HUNK: variants seen among roughly 807,000 people sequenced by gnomAD.
HUNK encodes hormonally up-regulated Neu-associated kinase, also known as hormonally up-regulated neu tumor-associated kinase.
A neutral mutation model predicts 61.0 loss-of-function variants in HUNK; 21 were observed. The ratio of observed to expected loss-of-function variants is 0.34; its 90% CI spans 0.24 to 0.50. The LOEUF is 0.50. Among genes scored for constraint, HUNK ranks in the 20% least tolerant of loss-of-function variants. The pLI, the probability that HUNK is intolerant of heterozygous loss-of-function variation, is 0.98. For synonymous variants in HUNK, 371 were observed against 386.1 expected (o/e 0.96, Z 0.46); for missense variants, 772 against 945.7 (o/e 0.82, Z 2.41).
chr21:31,897,050 G>C (rs2052429866), intron 1 of HUNK, among the ~76,000 whole-genome samples: 1 of 152,302 alleles, frequency 6.6e-6, no homozygotes, highest in East Asian at 1.9e-4. Context: ...TTTGAGACAA[G>C]CCTGGGCAAC....
In HUNK at chr21:31,969,120, G is replaced by A. The variant is rs183753420; in HGVS notation, c.1010+735G>A. ...TTGAACTCCTGACCTCAAGTGATCCGCCTGCCTTGGCCTCCCAAAGTGCTG... is the reference window on the plus strand; with the variant it reads ...TTGAACTCCTGACCTCAAGTGATCCACCTGCCTTGGCCTCCCAAAGTGCTG... On this transcript the variant is annotated intron_variant, in intron 6 of 10. Coordinates refer to ENST00000270112, the MANE Select transcript of HUNK (RefSeq NM_014586.2). 9.9e-5 allele frequency among the ~76,000 whole-genome samples: 15 copies of A among 151,754 alleles called. No homozygotes were observed. The South Asian group carries it at 1.0e-3, about 11-fold the overall frequency.
At chr21:31,926,481 C>T (rs1601382019) in intron 2 of HUNK, among the ~76,000 whole-genome samples, 1 of 152,080 alleles carries the variant, frequency 6.6e-6, no homozygotes, top group African/African-American at 2.4e-5. Context: ...AAACCCTGTA[C>T]CCATTACCAG....
Position 31,924,814 on chromosome 21 carries a change from T to C in HUNK, c.554+54T>C, listed in dbSNP as rs1436851190. The C allele has an allele frequency of 1.0e-5, 15 of 1,460,274 alleles. No individual in the cohort carries two copies. Among genetic ancestry groups the C allele is most frequent in the Non-Finnish European group, 1.0e-5 (11 of 1,078,790 alleles). 90.5% of individuals were successfully genotyped at this position (1,460,274 alleles called of 1,614,324 possible). ...TGACTGTGTGCTCCGTGGGTGGCAC[T>C]GGGCTGTGGCACCCTCTGAGCCTCT... On this transcript the variant is annotated intron_variant, in intron 2 of 10. Coordinates refer to ENST00000270112, the MANE Select transcript of HUNK (RefSeq NM_014586.2). The surrounding 1 kb of genome is among the most constrained non-coding windows in gnomAD (Gnocchi z 5.1).
At chr21:31,930,834 G>A (rs2052691295) in intron 2 of HUNK, among the ~76,000 whole-genome samples, 1 of 151,964 alleles carries the variant, frequency 6.6e-6, no homozygotes, top group Admixed American at 6.6e-5. Context: ...TTATTTTTTA[G>A]GTCACAATTT....
intron 7 of HUNK, among the ~76,000 whole-genome samples, chr21:31,980,079 A>AT (rs1355714413): frequency 7.1e-6 from 1 of 141,580 alleles, no homozygotes; most frequent in Non-Finnish European, 1.6e-5. Flanking sequence ...TTGTTTATTT[A>AT]TTTATTTTTT....
intron 2 of HUNK, among the ~76,000 whole-genome samples, chr21:31,935,067 T>C (rs1001010776): frequency 5.3e-5 from 8 of 152,186 alleles, no homozygotes; most frequent in African/African-American, 1.9e-4. Context: ...CACTGTTGAG[T>C]AGCTGAGCAG....
chr21:31,892,162 A>AATAT (rs1170452661), intron 1 of HUNK, among the ~76,000 whole-genome samples: 100 of 114,018 alleles, frequency 8.8e-4, no homozygotes, highest in African/African-American at 3.1e-3. Flanking sequence ...AAAAAAAAAA[A>AATAT]ATATATATAT....
intron 2 of HUNK, among the ~76,000 whole-genome samples, chr21:31,928,504 TG>T (rs2052676181): frequency 6.6e-6 from 1 of 152,246 alleles, no homozygotes; most frequent in Non-Finnish European, 1.5e-5. Flanking sequence ...TTTCTACTTT[TG>T]CCTCTCTCTC....
At chr21:31,996,314 A>G (rs2123259893) in intron 10 of HUNK, among the ~76,000 whole-genome samples, 1 of 152,270 alleles carries the variant, frequency 6.6e-6, no homozygotes, top group Non-Finnish European at 1.5e-5. Flanking sequence ...GGGAGTAGAG[A>G]TGGGGTGCAG....
chr21:31,955,711 A>C (rs534598426), intron 4 of HUNK, among the ~76,000 whole-genome samples: 1 of 152,242 alleles, frequency 6.6e-6, no homozygotes, highest in Non-Finnish European at 1.5e-5. Flanking sequence ...GTTTTAGTCA[A>C]TTACCAAAAA....
rs191962659 is a variant in HUNK at position 31,881,265 on chromosome 21, A to G, written c.261+7330A>G. ...CAACGTGGGCATCTTTTCCATGCGC[A>G]TTTTGGATATGAGTGGTCATCATTT... On this transcript the variant is annotated intron_variant, in intron 1 of 10. Transcript: ENST00000270112. Among the ~76,000 whole-genome samples the G allele has an allele frequency of 8.5e-5, 13 of 152,302 alleles. No homozygotes were observed. In the East Asian group the frequency reaches 2.3e-3, roughly 27 times the overall value.
chr21:31,894,346 G>A (rs56321642), intron 1 of HUNK, among the ~76,000 whole-genome samples: 19,578 of 152,064 alleles, frequency 0.13, 1,512 homozygotes, highest in East Asian at 0.36. Context: ...TTCCATTTTC[G>A]TAAAATCCAT....
chr21:31,953,853 G>A (rs959663763), intron 4 of HUNK, among the ~76,000 whole-genome samples: 1 of 152,078 alleles, frequency 6.6e-6, no homozygotes, highest in African/African-American at 2.4e-5. Flanking sequence ...GAATCAGTTT[G>A]TAAAGTCATC....
chr21:31,882,138 G>A (rs952725042), intron 1 of HUNK, among the ~76,000 whole-genome samples: 10 of 151,996 alleles, frequency 6.6e-5, no homozygotes, highest in Non-Finnish European at 1.3e-4. Flanking sequence ...TTTTTGATGA[G>A]TAGAGTAACA....
At position 31,873,801 on chromosome 21, in the gene HUNK, G is replaced by T; in HGVS notation, c.127G>T (p.Gly43Cys). Residue 43 changes from glycine (G) to cysteine (C), a missense_variant, in exon 1 of 11, where the codon GGC becomes TGC. By Grantham distance (159) the Gly-to-Cys change is radical (BLOSUM62 -3). Around this residue, in one of 2 missense-constraint regions of HUNK, gnomAD observed 359 missense variants for 501.3 expected, o/e 0.72. Transcript: ENST00000270112. The surrounding 1 kb of genome is among the most constrained non-coding windows in gnomAD (Gnocchi z 6.1). ...AAGTTTCCTGCCTGCCTGGGTGAGC[G>T]GCGTGCCCCGCGAGCGGCTCCGCGA... The part of the protein sequence containing the change: ...EGSFLPAWVS[G>C]VPRERLRDFQ... 2 of 1,564,786 alleles carry T rather than the reference G, an allele frequency of 1.3e-6. No homozygotes were observed. The highest frequency in any genetic ancestry group is 2.5e-5 in the East Asian group (1 of 39,688).
At chr21:31,887,710 G>T (rs1412880490) in intron 1 of HUNK, among the ~76,000 whole-genome samples, 2 of 152,182 alleles carry the variant, frequency 1.3e-5, no homozygotes, top group African/African-American at 4.8e-5. Context: ...TGGGTGACCC[G>T]TGAACACAGA....
At chr21:31,968,493 T>G in intron 6 of HUNK, 108 bp downstream of exon 6, 1 of 1,336,568 alleles carries the variant, frequency 7.5e-7, no homozygotes, top group South Asian at 1.4e-5. Flanking sequence ...AAAGCCGCGC[T>G]CTCTCTTGGC....
At chr21:31,925,611 A>G (rs1204153163) in intron 2 of HUNK, among the ~76,000 whole-genome samples, 1 of 152,252 alleles carries the variant, frequency 6.6e-6, no homozygotes, top group Admixed American at 6.5e-5. Context: ...CCTTGAAATC[A>G]AGGAGTGTTT....
At chr21:31,960,719 T>C (rs11908931) in intron 5 of HUNK, among the ~76,000 whole-genome samples, 4,562 of 152,232 alleles carry the variant, frequency 0.03, 223 homozygotes, top group African/African-American at 0.1. Context: ...GTGAGACTTA[T>C]TCACTACCAT....
Sources: gnomAD v4.1 joint callset for allele counts (sites outside exome capture counted in the v4.1 genomes callset) on GRCh38, gnomAD v4.1.1 for gene constraint, gnomAD v4.1.1 regional missense constraint, Gnocchi (gnomAD v3.1) non-coding constraint, MANE v1.5 for transcripts, NCBI Gene and HGNC (gene_info 2026-07-23, HGNC 2026-07-21) for gene names.